Variants in RPAP3 observed in about 807,000 individuals in gnomAD.
RPAP3 encodes RNA polymerase II associated protein 3.
Under a neutral mutation model 88.8 loss-of-function variants are expected in RPAP3, and 58 were observed. The ratio of observed to expected loss-of-function variants is 0.65; its 90% CI spans 0.53 to 0.81. The LOEUF is 0.81. Ranked by LOEUF, RPAP3 falls within the 40% of genes least tolerant of loss-of-function variation. The pLI is 0.00. For synonymous variants in RPAP3, 255 were observed against 259.9 expected, an observed-to-expected ratio of 0.98 and a Z score of 0.18; for missense variants, 751 against 764.3, an observed-to-expected ratio of 0.98 and a Z score of 0.20.
intron 3 of RPAP3, 85 bp downstream of exon 3, chr12:47,701,379 T>G (rs776043744): frequency 4.6e-5 from 45 of 976,666 alleles, no homozygotes; most frequent in Non-Finnish European, 6.3e-5. Context: ...AACTCTACAT[T>G]ATTTTTCACT....
At chr12:47,705,778 G>A (rs1442802231) in intron 1 of RPAP3, among the ~76,000 whole-genome samples, 174 bp downstream of exon 1, 1 of 152,162 alleles carries the variant, frequency 6.6e-6, no homozygotes, top group East Asian at 1.9e-4. Flanking sequence ...GGGAACGCGC[G>A]ACCCGAGACG....
chr12:47,692,439 G>A (rs1486769237), intron 5 of RPAP3, among the ~76,000 whole-genome samples: 4 of 152,162 alleles, frequency 2.6e-5, no homozygotes, highest in Non-Finnish European at 5.9e-5. Context: ...TTATGTTATG[G>A]AGACAGCTTC....
Position 47,680,277 on chromosome 12 carries a change from G to C in RPAP3, c.1115-503C>G, listed in dbSNP as rs115019613. On this transcript the variant is annotated intron_variant, in intron 10 of 16. Transcript: ENST00000005386. ...AAATTCAGAGACAGAAAGTAGAATG[G>C]AGGTTACTAGGGCTGGGAGGAGAGG... 6.8e-3 allele frequency among the ~76,000 whole-genome samples: 1,035 copies of C among 152,230 alleles called. 5 individuals carry two copies. The highest frequency in any genetic ancestry group is 0.024 in the African/African-American group (996 of 41,548).
Position 47,679,374 on chromosome 12 carries a change from T to A in RPAP3, c.1287+119A>T, listed in dbSNP as rs574460200. 33 of 602,826 alleles carry A rather than the reference T, an allele frequency of 5.5e-5. No individual in the cohort carries two copies. In the East Asian group the frequency reaches 9.4e-4, roughly 17 times the overall value. 37.3% of individuals were successfully genotyped at this position (602,826 alleles called of 1,614,324 possible). On this transcript the variant is annotated intron_variant, in intron 12 of 16. Transcript: ENST00000005386. ...ATCAGATCTGCACGTTGTGCACATGTACCCTAGAACTTAAAGTATAATTAA... is the reference window on the plus strand; with the variant it reads ...ATCAGATCTGCACGTTGTGCACATGAACCCTAGAACTTAAAGTATAATTAA...
chr12:47,671,738 A>C (rs1467276345), intron 12 of RPAP3, among the ~76,000 whole-genome samples: 1 of 152,236 alleles, frequency 6.6e-6, no homozygotes. Context: ...TATGTAAATA[A>C]TGATTTGAAT....
At chr12:47,667,965 T>C in intron 14 of RPAP3, 114 bp from the exon 15 acceptor site, 3 of 624,954 alleles carry the variant, frequency 4.8e-6, no homozygotes, top group Non-Finnish European at 8.2e-6. Context: ...GAGGCCAAGG[T>C]GGGAGGATCA....
chr12:47,668,755 T>C (rs545210950), intron 14 of RPAP3, among the ~76,000 whole-genome samples, 161 bp downstream of exon 14: 91 of 152,348 alleles, frequency 6.0e-4, no homozygotes, highest in Middle Eastern at 3.4e-3. Flanking sequence ...CAAGGTTCCC[T>C]GGTTGTAAAT....
intron 4 of RPAP3, 118 bp from the exon 5 acceptor site, chr12:47,696,521 T>C (rs989286059): frequency 2.9e-5 from 18 of 619,682 alleles, no homozygotes; most frequent in Admixed American, 7.8e-5. Flanking sequence ...TTTTTTTCAA[T>C]AGAAGTCTAC....
Position 47,670,165 on chromosome 12 carries a change from C to A in RPAP3, c.1468G>T (p.Asp490Tyr). 2 of 1,613,902 alleles carry A rather than the reference C, an allele frequency of 1.2e-6. No individual in the cohort carries two copies. Among genetic ancestry groups the A allele is most frequent in the Non-Finnish European group, 1.7e-6 (2 of 1,179,872 alleles). The change falls in exon 13 of 17, where the codon GAT becomes TAT. Residue 490 changes from aspartate (D) to tyrosine (Y), a missense_variant. By Grantham distance (160) the Asp-to-Tyr change is radical. Transcript: ENST00000005386. The part of the protein sequence containing the change: ...SSQDDLFPTS[D>Y]TPRAKVLKIE... ...TTCAATACTTTTGCTCTTGGAGTAT[C>A]ACTTGTGGGAAAAAGGTCATCTTGG...
At chr12:47,694,733 A>G (rs749723419) in intron 5 of RPAP3, among the ~76,000 whole-genome samples, 2 of 152,176 alleles carry the variant, frequency 1.3e-5, no homozygotes, top group Non-Finnish European at 2.9e-5. Context: ...TGGAAAATAT[A>G]TAAGATGCTT....
chr12:47,705,298 T>G (rs779031845), intron 1 of RPAP3, among the ~76,000 whole-genome samples: 1 of 152,224 alleles, frequency 6.6e-6, no homozygotes, highest in African/African-American at 2.4e-5. Flanking sequence ...ATAGGTCTTC[T>G]GACTCGTAGC....
At position 47,701,614 on chromosome 12, in the gene RPAP3, GA is replaced by G. The variant is rs549171407; in HGVS notation, c.154-11del. Reference sequence around the variant, plus strand: ...GAATAGGAGGTAAATTCTAAGGAGGGAAAAAAAAACACAAAGTTGTGAGTAT... The same window carrying G: ...GAATAGGAGGTAAATTCTAAGGAGGGAAAAAAAACACAAAGTTGTGAGTAT... On this transcript the variant is annotated splice_polypyrimidine_tract_variant and intron_variant, in intron 2 of 16. Transcript: ENST00000005386. 6.9e-5 allele frequency: 105 copies of G among 1,512,228 alleles called. No individual in the cohort carries two copies. Among genetic ancestry groups the G allele is most frequent in the Admixed American group, 2.6e-4 (12 of 45,662 alleles). The allele number at this position is 1,512,228 out of a possible 1,614,324, so 93.7% of individuals were successfully genotyped here. A position where few individuals can be genotyped will look rare whatever the true frequency, so the allele number is the denominator to read the frequency against.
At chr12:47,691,266 C>T (rs892535679) in intron 5 of RPAP3, among the ~76,000 whole-genome samples, 9 of 152,310 alleles carry the variant, frequency 5.9e-5, no homozygotes, top group African/African-American at 2.2e-4. Context: ...AGAATAAATT[C>T]TATCTCAAGA....
chr12:47,691,854 T>C (rs1297557810), intron 5 of RPAP3, among the ~76,000 whole-genome samples: 2 of 152,036 alleles, frequency 1.3e-5, no homozygotes, highest in Non-Finnish European at 2.9e-5. Flanking sequence ...CACGCCATTC[T>C]CCTGCCTCAG....
chr12:47,705,475 T>C (rs1939770802), intron 1 of RPAP3, among the ~76,000 whole-genome samples: 1 of 152,142 alleles, frequency 6.6e-6, no homozygotes, highest in African/African-American at 2.4e-5. Flanking sequence ...TAGATGCTTT[T>C]CCATTTCACC....
At chr12:47,665,589 C>A (rs79917421) in intron 16 of RPAP3, among the ~76,000 whole-genome samples, 2,095 of 150,212 alleles carry the variant, frequency 0.014, 48 homozygotes, top group African/African-American at 0.048. Flanking sequence ...TTGGTTTAAA[C>A]CCTCGCTATT....
At chr12:47,686,290 G>A (rs1456792035) in intron 9 of RPAP3, among the ~76,000 whole-genome samples, 4 of 152,154 alleles carry the variant, frequency 2.6e-5, no homozygotes, top group Admixed American at 1.3e-4. Flanking sequence ...CAGTTTCAAT[G>A]ACAGCAGTTC....
intron 16 of RPAP3, among the ~76,000 whole-genome samples, chr12:47,664,164 CG>C (rs1565711290): frequency 6.6e-6 from 1 of 152,004 alleles, no homozygotes; most frequent in East Asian, 1.9e-4. Context: ...CCGAGGCAGG[CG>C]GATCATGAGG....
rs1208225289 is a variant in RPAP3, at chr12:47,667,825, C to T, written c.1740G>A (p.Lys580=). The stretch of plus-strand genomic sequence containing the variant: ...CTGGATCCAGATTTTTCTGAAACAA[C>T]TTAGGATACAAAGATGGTTCAATTT... ...LKQIEPSLYP[K]LFQKNLDPDV... is the part of the protein sequence containing the mutation. Residue 580 remains lysine, a synonymous_variant, in exon 15 of 17, where the codon AAG becomes AAA. Transcript: ENST00000005386. 1 of 1,601,688 alleles carries T rather than the reference C, an allele frequency of 6.2e-7. No individual in the cohort carries two copies. The highest frequency in any genetic ancestry group is 8.5e-7 in the Non-Finnish European group (1 of 1,172,620).
Sources: gnomAD v4.1 joint callset for allele counts (sites outside exome capture counted in the v4.1 genomes callset) on GRCh38, gnomAD v4.1.1 for gene constraint, MANE v1.5 for transcripts, NCBI Gene and HGNC (gene_info 2026-07-23, HGNC 2026-07-21) for gene names.